The following FCHO1 variants were observed in gnomAD, a reference collection of about 807,000 sequenced individuals.
FCHO1 encodes the protein FCH and mu domain containing endocytic adaptor 1, also known as F-BAR domain only protein 1.
In FCHO1, 45 loss-of-function variants were observed where a neutral mutation model predicts 114.4. The ratio of observed to expected loss-of-function variants is 0.39; its 90% CI spans 0.31 to 0.50. The LOEUF (loss-of-function observed/expected upper bound fraction) is 0.50. Among genes scored for constraint, FCHO1 ranks in the 20% least tolerant of loss-of-function variants. FCHO1 has a pLI of 0.77. For synonymous variants in FCHO1, 480 were observed against 488.9 expected, an observed-to-expected ratio of 0.98 and a Z score of 0.24; for missense variants, 1,042 against 1,209.6, an observed-to-expected ratio of 0.86 and a Z score of 2.06.
chr19:17,764,697 G>A (rs1599617410), intron 6 of FCHO1, among the ~76,000 whole-genome samples: 1 of 152,152 alleles, frequency 6.6e-6, no homozygotes. Flanking sequence ...CCACCTTCAT[G>A]CAATGTACAT....
intron 4 of FCHO1, 149 bp from the exon 5 acceptor site, chr19:17,762,612 CA>C: frequency 2.8e-6 from 2 of 717,026 alleles, no homozygotes; most frequent in Non-Finnish European, 5.1e-6. Context: ...CCCTATGGCC[CA>C]GGGGAAATGC....
At chr19:17,778,112 G>C (rs1239326898) in intron 18 of FCHO1, 25 bp from the exon 19 acceptor site, 3 of 1,574,598 alleles carry the variant, frequency 1.9e-6, no homozygotes, top group Non-Finnish European at 1.7e-6. Context: ...AATAGAAGCA[G>C]CCCTCTTGGC....
intron 9 of FCHO1, among the ~76,000 whole-genome samples, chr19:17,771,858 G>A (rs543551385): frequency 4.6e-5 from 7 of 151,922 alleles, no homozygotes; most frequent in African/African-American, 1.7e-4. Flanking sequence ...TGTCACTCAG[G>A]CTGGAGTGCA....
intron 19 of FCHO1, 179 bp from the exon 20 acceptor site, chr19:17,778,430 A>T: frequency 1.2e-6 from 1 of 810,554 alleles, no homozygotes; most frequent in South Asian, 1.7e-5. Context: ...GACTGAGTGG[A>T]TGGGCCGGAC....
In FCHO1 at chr19:17,784,281, C is replaced by A. The variant is rs778288741; in HGVS notation, c.2226+46C>A. On this transcript the variant is annotated intron_variant, in intron 25 of 28. Coordinates refer to ENST00000596536, the MANE Select transcript of FCHO1 (RefSeq NM_015122.3). This position sits in a 1 kb window ranked among gnomAD's most constrained non-coding sequence, Gnocchi z 5.3. Reference sequence around the variant, plus strand: ...CGGGAGGAGGTGGTGGAGTGGGGGACACGGTGAGCCGGCAGCAGACATGGA... The same window carrying A: ...CGGGAGGAGGTGGTGGAGTGGGGGAAACGGTGAGCCGGCAGCAGACATGGA... The A allele has an allele frequency of 1.3e-6, 2 of 1,552,402 alleles. No individual in the cohort carries two copies. Among genetic ancestry groups the A allele is most frequent in the Non-Finnish European group, 1.7e-6 (2 of 1,147,380 alleles).
chr19:17,774,529 C>A (rs999943124), intron 13 of FCHO1, 51 bp downstream of exon 13: 1 of 1,440,194 alleles, frequency 6.9e-7, no homozygotes, highest in Non-Finnish European at 9.7e-7. Flanking sequence ...GAGATCCCCT[C>A]CCCTGCCCAG....
chr19:17,763,552 C>T (rs1287720963), intron 5 of FCHO1, among the ~76,000 whole-genome samples: 2 of 145,872 alleles, frequency 1.4e-5, no homozygotes, highest in Non-Finnish European at 3.0e-5. Context: ...ATGTAAGCCA[C>T]TGCACTCTGC....
At chr19:17,771,040 G>C (rs549772915) in intron 9 of FCHO1, 144 bp downstream of exon 9, 13 of 623,000 alleles carry the variant, frequency 2.1e-5, no homozygotes, top group Admixed American at 1.5e-4. Flanking sequence ...GATCACCTGA[G>C]GTCAGGAGTT....
intron 4 of FCHO1, among the ~76,000 whole-genome samples, chr19:17,760,760 C>T (rs2085801680): frequency 6.6e-6 from 1 of 152,118 alleles, no homozygotes; most frequent in Non-Finnish European, 1.5e-5. Context: ...AGTGATTCTC[C>T]TGCCTCAGCT....
At chr19:17,762,572 G>T in intron 4 of FCHO1, 190 bp from the exon 5 acceptor site, 1 of 586,964 alleles carries the variant, frequency 1.7e-6, no homozygotes, top group South Asian at 2.1e-5. Context: ...GCTTCTCTCT[G>T]ATTGGACAAA....
chr19:17,753,377 G>A (rs1599525196), intron 1 of FCHO1, among the ~76,000 whole-genome samples: 1 of 152,358 alleles, frequency 6.6e-6, no homozygotes, highest in Admixed American at 6.5e-5. Flanking sequence ...TCCTTGCCCA[G>A]TGAACTCCTA....
In FCHO1 at chr19:17,782,105, G is replaced by A. The variant is rs564205685; in HGVS notation, c.1937+285G>A. Among the ~76,000 whole-genome samples, 13 of 150,962 alleles carry A rather than the reference G, an allele frequency of 8.6e-5. No individual in the cohort carries two copies. In the Admixed American group the frequency reaches 8.6e-4, roughly 10 times the overall value. On this transcript the variant is annotated intron_variant, in intron 23 of 28. Transcript: ENST00000596536. ...GCTCACTGCAACCTCTGCCTCCCGG[G>A]TTCAAGCAATTCTCCTGTCTCAGCC...
Position 17,781,244 on chromosome 19 carries a change from AC to A in FCHO1, c.1643del (p.Pro548LeufsTer37). 6.2e-7 allele frequency: 1 copy of A among 1,613,198 alleles called. No homozygotes were observed. The highest frequency in any genetic ancestry group is 8.5e-7 in the Non-Finnish European group (1 of 1,179,520). ...ACTCGCTCCTAGACCTGATGCCTGC[AC>A]CTGCTGACCCCACAGCCAGGGAGGG... Reference protein sequence around the residue: ...ALAGGDLMPAPADPTAREGLA... With the variant: ...ALAGGDLMPAXADPTAREGLA... On this transcript the variant is annotated frameshift_variant, in exon 21 of 29. Transcript: ENST00000596536. LOFTEE classifies it high-confidence loss of function.
At chr19:17,788,248 TCCCCACCCCTCCC>T in intron 28 of FCHO1, 23 bp from the exon 29 acceptor site, 13 of 520,132 alleles carry the variant, frequency 2.5e-5, no homozygotes, top group Non-Finnish European at 3.9e-5. Context: ...GTACCCCTCC[TCCCCACCCCTCCC>T]CCTCACAGCT....
In FCHO1 at chr19:17,775,644, A is replaced by G. The variant is rs540110912; in HGVS notation, c.1003+131A>G. On this transcript the variant is annotated intron_variant, in intron 15 of 28. Coordinates refer to ENST00000596536, the MANE Select transcript of FCHO1 (RefSeq NM_015122.3). The surrounding 1 kb of genome is among the most constrained non-coding windows in gnomAD (Gnocchi z 5.1). ...AGAGTCTCCTTTGTGGATGAAGCCA[A>G]CCTAAATGTAAACACCCACTCTATG... is the stretch of plus-strand genomic sequence containing the variant. The G allele has an allele frequency of 3.4e-6, 3 of 889,244 alleles. No individual in the cohort carries two copies. The highest frequency in any genetic ancestry group is 5.5e-6 in the Non-Finnish European group (3 of 545,960). The allele number at this position is 889,244 out of a possible 1,614,324, so 55.1% of individuals were successfully genotyped here.
chr19:17,764,545 C>A, intron 6 of FCHO1, 96 bp downstream of exon 6: 1 of 962,860 alleles, frequency 1.0e-6, no homozygotes, highest in Non-Finnish European at 1.5e-6. Context: ...AGAGTGTCAT[C>A]CACCTCGATT....
At chr19:17,778,262 T>G (rs2147194308) in intron 19 of FCHO1, 34 bp downstream of exon 19, 1 of 1,558,680 alleles carries the variant, frequency 6.4e-7, no homozygotes, top group South Asian at 1.1e-5. Context: ...GGCATGGGTG[T>G]GGCCGGAGGG....
rs764614162 is a variant in FCHO1 at position 17,776,078 on chromosome 19, C to T, written c.1099C>T (p.Arg367Trp). ...TGTGCACATCAAGCCTGCCCCGGCC[C>T]GGGCTCCAGCCTGCAGCCCCGAGGC... ...FYVHIKPAPA[R>W]APACSPEAAA... Residue 367 changes from arginine (R) to tryptophan (W), a missense_variant, in exon 16 of 29, where the codon CGG becomes TGG. By Grantham distance (101) the Arg-to-Trp change is moderately radical. Coordinates refer to ENST00000596536, the MANE Select transcript of FCHO1 (RefSeq NM_015122.3). This position sits in a 1 kb window ranked among gnomAD's most constrained non-coding sequence, Gnocchi z 4.4. 30 of 1,611,838 alleles carry T rather than the reference C, an allele frequency of 1.9e-5. No individual in the cohort carries two copies. Among genetic ancestry groups the T allele is most frequent in the South Asian group, 1.2e-4 (11 of 91,072 alleles).
chr19:17,769,631 AC>A (rs1599663371), intron 7 of FCHO1, among the ~76,000 whole-genome samples: 3 of 138,954 alleles, frequency 2.2e-5, no homozygotes, highest in East Asian at 4.3e-4. Context: ...ACACACACAC[AC>A]AAAACGGTGA....
Sources: allele counts gnomAD v4.1 joint callset (sites outside exome capture counted in the v4.1 genomes callset), GRCh38; gene constraint gnomAD v4.1.1; non-coding constraint Gnocchi (gnomAD v3.1); transcripts MANE v1.5; gene names NCBI Gene and HGNC (gene_info 2026-07-23, HGNC 2026-07-21).